Variants in PLEKHH2 observed in about 807,000 individuals in gnomAD.
The protein encoded by PLEKHH2 is pleckstrin homology domain-containing family H member 2.
PLEKHH2 carries 129 observed loss-of-function variants against 187.9 expected under a neutral mutation model. That is an observed-to-expected ratio of 0.69 (90% confidence interval 0.59 to 0.79). PLEKHH2 has a LOEUF of 0.79. Among genes scored for constraint, PLEKHH2 ranks in the 30% least tolerant of loss-of-function variants. The pLI is 0.00. For synonymous variants in PLEKHH2, 686 were observed against 605.6 expected (o/e 1.13, Z -1.95); for missense variants, 2,076 against 1,751.2 (o/e 1.19, Z -3.31).
chr2:43,763,956 T>C (rs1429548674), intron 28 of PLEKHH2, among the ~76,000 whole-genome samples: 2 of 152,162 alleles, frequency 1.3e-5, no homozygotes, highest in Non-Finnish European at 2.9e-5. Context: ...GATGCTGGAA[T>C]ATAGATGCTT....
Position 43,707,533 on chromosome 2 carries a change from G to A in PLEKHH2, c.1954G>A (p.Ala652Thr). 2.5e-6 allele frequency: 4 copies of A among 1,613,950 alleles called. No homozygotes were observed. The highest frequency in any genetic ancestry group is 3.4e-6 in the Non-Finnish European group (4 of 1,179,896). Residue 652 changes from alanine (A) to threonine (T), a missense_variant, in exon 11 of 30, where the codon GCC becomes ACC. Physicochemically the swap from Ala to Thr is moderately conservative, Grantham distance 58. Coordinates refer to ENST00000282406, the MANE Select transcript of PLEKHH2 (RefSeq NM_172069.4). ...RSRSGPGSPRAMKRGVSLSSV... is the reference protein window; with the variant it reads ...RSRSGPGSPRTMKRGVSLSSV... ...TAGGAGTGGGCCAGGCAGCCCCAGA[G>A]CCATGAAACGAGGTGAGGGAAAATC...
At chr2:43,682,009 C>G (rs913857851) in intron 3 of PLEKHH2, among the ~76,000 whole-genome samples, 2 of 152,168 alleles carry the variant, frequency 1.3e-5, no homozygotes, top group African/African-American at 4.8e-5. Context: ...GCATCACCCA[C>G]TTCAACAATT....
At chr2:43,708,847 A>G (rs1043954663) in intron 11 of PLEKHH2, among the ~76,000 whole-genome samples, 7 of 152,302 alleles carry the variant, frequency 4.6e-5, no homozygotes, top group African/African-American at 1.7e-4. Context: ...TGAGGTCCCT[A>G]TAGGTCTACA....
chr2:43,701,053 GATA>G (rs1669337757), intron 8 of PLEKHH2, among the ~76,000 whole-genome samples: 1 of 152,136 alleles, frequency 6.6e-6, no homozygotes, highest in Admixed American at 6.5e-5. Context: ...TGAGAAATAA[GATA>G]ATGACAAGAC....
chr2:43,740,144 C>T (rs983774659), intron 20 of PLEKHH2, among the ~76,000 whole-genome samples: 12 of 151,942 alleles, frequency 7.9e-5, no homozygotes, highest in African/African-American at 1.5e-4. Context: ...TTTAATATAA[C>T]GTTTTAAAAA....
chr2:43,666,140 G>A (rs1019491282), intron 2 of PLEKHH2, among the ~76,000 whole-genome samples: 7 of 149,860 alleles, frequency 4.7e-5, no homozygotes, highest in South Asian at 2.1e-4. Context: ...CGTGGGCGTA[G>A]GACCCTCCAA....
intron 2 of PLEKHH2, among the ~76,000 whole-genome samples, chr2:43,677,931 ATCCCCCCACCTCCCTCCCAGACGGG>A: frequency 2.5e-5 from 1 of 39,640 alleles, no homozygotes; most frequent in Non-Finnish European, 6.7e-5. Context: ...CGGGGGGCTG[ATCCCCCCACCTCCCTCCCAGACGGG>A]GCGGCTGCCG....
At chr2:43,712,487 A>G in intron 15 of PLEKHH2, 104 bp downstream of exon 15, 2 of 1,332,522 alleles carry the variant, frequency 1.5e-6, no homozygotes, top group South Asian at 1.4e-5. Context: ...GAATATTGAT[A>G]TGATCTTGGG....
chr2:43,731,111 T>C (rs574725944), intron 18 of PLEKHH2, among the ~76,000 whole-genome samples: 1 of 152,140 alleles, frequency 6.6e-6, no homozygotes, highest in South Asian at 2.1e-4. Flanking sequence ...AATGACACAA[T>C]AGACTTTGGG....
In PLEKHH2 at chr2:43,711,205, C is replaced by G. The variant is rs1056050832; in HGVS notation, c.2301+630C>G. The G allele has an allele frequency of 1.2e-5, 12 of 985,328 alleles. No individual in the cohort carries two copies. The African/African-American group carries it at 2.1e-4, about 17-fold the overall frequency. The allele number at this position is 985,328 out of a possible 1,614,324, so 61.0% of individuals were successfully genotyped here. On this transcript the variant is annotated intron_variant, in intron 14 of 29. Coordinates refer to ENST00000282406, the MANE Select transcript of PLEKHH2 (RefSeq NM_172069.4). Reference sequence around the variant, plus strand: ...TTTATTTCTGAAATGTCTTCAATAACCATTATTTTCTTATATTGCTCCTTT... The same window carrying G: ...TTTATTTCTGAAATGTCTTCAATAAGCATTATTTTCTTATATTGCTCCTTT...
chr2:43,705,346 C>G (rs1669607659), intron 9 of PLEKHH2, among the ~76,000 whole-genome samples: 2 of 141,244 alleles, frequency 1.4e-5, no homozygotes, highest in Non-Finnish European at 3.0e-5. Context: ...GCCTTGAACT[C>G]CTGGGCTCAA....
chr2:43,691,136 C>T (rs564928936), intron 3 of PLEKHH2, among the ~76,000 whole-genome samples: 42 of 152,318 alleles, frequency 2.8e-4, no homozygotes, highest in Non-Finnish European at 1.8e-4. Context: ...GTTTTTTTCC[C>T]ATTACCCTTA....
intron 2 of PLEKHH2, among the ~76,000 whole-genome samples, chr2:43,648,303 C>T (rs1245715252): frequency 6.6e-6 from 1 of 151,934 alleles, no homozygotes; most frequent in African/African-American, 2.4e-5. Context: ...ATTCTTCTGC[C>T]TCAGCCTAAT....
At chr2:43,684,984 A>G (rs1002089063) in intron 3 of PLEKHH2, among the ~76,000 whole-genome samples, 10 of 152,200 alleles carry the variant, frequency 6.6e-5, no homozygotes, top group African/African-American at 2.2e-4. Flanking sequence ...TCATAATCTA[A>G]AAGTCGACAG....
chr2:43,748,995 G>C (rs1247958623), intron 24 of PLEKHH2, among the ~76,000 whole-genome samples: 1 of 152,146 alleles, frequency 6.6e-6, no homozygotes, highest in African/African-American at 2.4e-5. Flanking sequence ...GACCTCAGGT[G>C]ATCTGCCCGC....
rs1671037263 is a variant in PLEKHH2, at chr2:43,731,528, A to G, written c.2869A>G (p.Lys957Glu). ...GAGACACCCCACTTTGTGTCACAGT[A>G]AAGAAGGAATCATTTCCCCTCTGAC... ...IWRHPTLCHS[K>E]EGIISPLTTL... Residue 957 changes from lysine (K) to glutamate (E), a missense_variant, in exon 19 of 30, where the codon AAA becomes GAA. Coordinates refer to ENST00000282406, the MANE Select transcript of PLEKHH2 (RefSeq NM_172069.4). The G allele has an allele frequency of 6.2e-7, 1 of 1,606,624 alleles. No homozygotes were observed. The highest frequency in any genetic ancestry group is 8.5e-7 in the Non-Finnish European group (1 of 1,173,618).
At chr2:43,671,496 G>A (rs1667496941) in intron 2 of PLEKHH2, among the ~76,000 whole-genome samples, 1 of 152,030 alleles carries the variant, frequency 6.6e-6, no homozygotes, top group African/African-American at 2.4e-5. Context: ...ACATAGGTTA[G>A]CACCTGCAGT....
At chr2:43,752,734 A>G (rs1439829413) in intron 24 of PLEKHH2, among the ~76,000 whole-genome samples, 1 of 152,188 alleles carries the variant, frequency 6.6e-6, no homozygotes. Context: ...CCTGTGCCTG[A>G]TCTGCAGCCT....
In PLEKHH2 at chr2:43,710,584, CTTT is replaced by C. The variant is rs376851824; in HGVS notation, c.2301+31_2301+33del. ...ACAAACAAACAGTTCAGGTACTTAA[CTTT>C]TTTTTTTTTTTTTTTTTTTTTGTAT... is the stretch of plus-strand genomic sequence containing the variant. On this transcript the variant is annotated intron_variant, in intron 14 of 29. Coordinates refer to ENST00000282406, the MANE Select transcript of PLEKHH2 (RefSeq NM_172069.4). 0.013 allele frequency: 16,205 copies of C among 1,219,720 alleles called. 120 individuals are homozygous for C. In the African/African-American group the frequency reaches 0.17, roughly 13 times the overall value. 75.6% of individuals were successfully genotyped at this position (1,219,720 alleles called of 1,614,324 possible). A position where few individuals can be genotyped will look rare whatever the true frequency, so the allele number is the denominator to read the frequency against.
Sources: allele counts gnomAD v4.1 joint callset (sites outside exome capture counted in the v4.1 genomes callset), GRCh38; gene constraint gnomAD v4.1.1; transcripts MANE v1.5; gene names NCBI Gene and HGNC (gene_info 2026-07-23, HGNC 2026-07-21).